AHCYL2: variants seen among roughly 807,000 people sequenced by gnomAD.
The protein encoded by AHCYL2 is S-adenosylhomocysteine hydrolase-like protein 2.
AHCYL2 carries 28 observed loss-of-function variants against 81.4 expected under a neutral mutation model. The observed-to-expected ratio is 0.34, with a 90% CI of 0.25 to 0.47. AHCYL2 has a LOEUF of 0.47. Among genes scored for constraint, AHCYL2 ranks in the 20% least tolerant of loss-of-function variants. The probability of loss-of-function intolerance (pLI) is 1.00; values close to 1 mark genes in which losing one functional copy is unlikely to be tolerated. For missense variants in AHCYL2, 551 were observed against 785.1 expected (o/e 0.70, Z 3.56); for synonymous variants, 272 against 290.2 (o/e 0.94, Z 0.64).
At chr7:129,225,926 GA>G (rs558691724) in intron 1 of AHCYL2, among the ~76,000 whole-genome samples, 223 of 152,304 alleles carry the variant, frequency 1.5e-3, no homozygotes, top group Non-Finnish European at 2.8e-3. Context: ...TACAGTTGAT[GA>G]CTTTCTGCCT....
At chr7:129,355,972 T>C (rs1253556442) in intron 1 of AHCYL2, among the ~76,000 whole-genome samples, 2 of 152,166 alleles carry the variant, frequency 1.3e-5, no homozygotes, top group African/African-American at 4.8e-5. Flanking sequence ...GTGGTTATTA[T>C]CACAAATGTA....
intron 12 of AHCYL2, among the ~76,000 whole-genome samples, chr7:129,420,886 A>T (rs1267481642): frequency 6.6e-6 from 1 of 152,304 alleles, no homozygotes; most frequent in East Asian, 1.9e-4. Flanking sequence ...TAAAAATGCA[A>T]ACACTACAAA....
chr7:129,297,832 T>A (rs1797105740), intron 1 of AHCYL2, among the ~76,000 whole-genome samples: 1 of 152,096 alleles, frequency 6.6e-6, no homozygotes, highest in Non-Finnish European at 1.5e-5. Context: ...GAGACCAGCC[T>A]GGACAACATA....
At chr7:129,341,782 C>T (rs1386502689) in intron 1 of AHCYL2, among the ~76,000 whole-genome samples, 1 of 152,086 alleles carries the variant, frequency 6.6e-6, no homozygotes, top group Non-Finnish European at 1.5e-5. Flanking sequence ...GAATAACACA[C>T]TCATGGTTAT....
At chr7:129,353,427 G>T (rs1793636230) in intron 1 of AHCYL2, among the ~76,000 whole-genome samples, 1 of 151,954 alleles carries the variant, frequency 6.6e-6, no homozygotes, top group South Asian at 2.1e-4. Context: ...TCTGGTCCTA[G>T]TTCAAATGTT....
intron 1 of AHCYL2, among the ~76,000 whole-genome samples, chr7:129,292,956 G>T (rs1452497130): frequency 6.6e-6 from 1 of 152,046 alleles, no homozygotes; most frequent in Non-Finnish European, 1.5e-5. Context: ...AAGAATAAAA[G>T]CATATTGCTT....
At chr7:129,267,781 A>G (rs1795868207) in intron 1 of AHCYL2, among the ~76,000 whole-genome samples, 1 of 152,158 alleles carries the variant, frequency 6.6e-6, no homozygotes, top group African/African-American at 2.4e-5. Context: ...GAGAGATGGT[A>G]AGATGATGGA....
chr7:129,280,202 C>T (rs1267260867), intron 1 of AHCYL2, among the ~76,000 whole-genome samples: 2 of 18,870 alleles, frequency 1.1e-4, no homozygotes, highest in Admixed American at 1.9e-3. Flanking sequence ...GAGAGTCTCG[C>T]TCTGTTGCCC....
At chr7:129,302,486 C>T (rs1041123104) in intron 1 of AHCYL2, among the ~76,000 whole-genome samples, 1 of 152,166 alleles carries the variant, frequency 6.6e-6, no homozygotes, top group Non-Finnish European at 1.5e-5. Context: ...CAGTATGATA[C>T]TGGCTGTGGG....
intron 1 of AHCYL2, among the ~76,000 whole-genome samples, chr7:129,243,001 T>C (rs1277461589): frequency 4.0e-5 from 6 of 151,314 alleles, no homozygotes; most frequent in African/African-American, 1.5e-4. Context: ...CGTTTTCTTA[T>C]CGACTATATT....
Position 129,405,817 on chromosome 7 carries a change from A to C in AHCYL2, c.1143-19A>C. On this transcript the variant is annotated intron_variant, in intron 8 of 16. Coordinates refer to ENST00000325006, the MANE Select transcript of AHCYL2 (RefSeq NM_015328.4). Reference sequence around the variant, plus strand: ...AACAAGAGAAGATTTTTCTGATTTAATGTTTTTTTTTCCCCTAGACTTAAA... The same window carrying C: ...AACAAGAGAAGATTTTTCTGATTTACTGTTTTTTTTTCCCCTAGACTTAAA... 6.3e-7 allele frequency: 1 copy of C among 1,596,220 alleles called. No homozygotes were observed. Among genetic ancestry groups the C allele is most frequent in the Non-Finnish European group, 8.5e-7 (1 of 1,170,176 alleles).
At chr7:129,237,151 A>G (rs1271686140) in intron 1 of AHCYL2, among the ~76,000 whole-genome samples, 1 of 152,000 alleles carries the variant, frequency 6.6e-6, no homozygotes, top group East Asian at 1.9e-4. Flanking sequence ...TGGCTTCAAC[A>G]TTTTGTGTCT....
intron 1 of AHCYL2, among the ~76,000 whole-genome samples, chr7:129,279,978 A>G (rs748531236): frequency 6.6e-6 from 1 of 152,000 alleles, no homozygotes; most frequent in African/African-American, 2.4e-5. Flanking sequence ...TCTTGTGCCA[A>G]CCTCCTATCT....
In AHCYL2 at chr7:129,429,072, C is replaced by G. The variant is rs751135879; in HGVS notation, c.*2027C>G. On this transcript the variant is annotated 3_prime_UTR_variant, in exon 17 of 17. Transcript: ENST00000325006. ...CCAAAAATCATAACCTGCTGTTTCT[C>G]AGCAAAGCCTTGCTCTCTGGAGCTT... is the stretch of plus-strand genomic sequence containing the variant. 4 of 152,224 alleles carry G rather than the reference C, an allele frequency of 2.6e-5. No individual in the cohort carries two copies. Among genetic ancestry groups the G allele is most frequent in the Non-Finnish European group, 4.4e-5 (3 of 68,046 alleles). The allele number at this position is 152,224 out of a possible 1,614,324, so 9.4% of individuals were successfully genotyped here. A position where few individuals can be genotyped will look rare whatever the true frequency, so the allele number is the denominator to read the frequency against.
chr7:129,369,605 T>A (rs1443998677), intron 1 of AHCYL2, among the ~76,000 whole-genome samples: 1 of 146,718 alleles, frequency 6.8e-6, no homozygotes, highest in African/African-American at 2.5e-5. Flanking sequence ...CAGGCTGGAG[T>A]GCAGTGGCGT....
rs1425575901 is a variant in AHCYL2 at position 129,330,917 on chromosome 7, A to T, written c.364-48721A>T. Among the ~76,000 whole-genome samples the T allele has an allele frequency of 2.0e-5, 3 of 152,246 alleles. No homozygotes were observed. In the East Asian group the frequency reaches 5.8e-4, roughly 29 times the overall value. The stretch of plus-strand genomic sequence containing the variant: ...AACTTCAAATCGTTAGTCATCATAA[A>T]CAACTTCTATACCTTAGGCTTGCAT... On this transcript the variant is annotated intron_variant, in intron 1 of 16. Transcript: ENST00000325006.
Position 129,291,425 on chromosome 7 carries a change from CTAGTGAATAT to C in AHCYL2, c.363+65992_363+66001del, listed in dbSNP as rs1434322312. Among the ~76,000 whole-genome samples, 3 of 151,642 alleles carry C rather than the reference CTAGTGAATAT, an allele frequency of 2.0e-5. No individual in the cohort carries two copies. The East Asian group carries it at 5.8e-4, about 29-fold the overall frequency. ...TAAGTAACTTACTGAGGGCATACAACTAGTGAATATTAGTGCTAGGATTCAAATCATGCAT... is the reference window on the plus strand; with the variant it reads ...TAAGTAACTTACTGAGGGCATACAACTAGTGCTAGGATTCAAATCATGCAT... On this transcript the variant is annotated intron_variant, in intron 1 of 16. Transcript: ENST00000325006.
intron 2 of AHCYL2, among the ~76,000 whole-genome samples, chr7:129,381,472 A>C (rs998471275): frequency 3.3e-5 from 5 of 152,228 alleles, no homozygotes; most frequent in African/African-American, 9.6e-5. Context: ...AGATTAAACT[A>C]TATGAAATTA....
chr7:129,266,085 A>G (rs1294993842), intron 1 of AHCYL2, among the ~76,000 whole-genome samples: 1 of 152,202 alleles, frequency 6.6e-6, no homozygotes, highest in African/African-American at 2.4e-5. Flanking sequence ...TGTAGGTGTA[A>G]TCAGTGTCTT....
Sources: gnomAD v4.1 joint callset for allele counts (sites outside exome capture counted in the v4.1 genomes callset) on GRCh38, gnomAD v4.1.1 for gene constraint, MANE v1.5 for transcripts, NCBI Gene and HGNC (gene_info 2026-07-23, HGNC 2026-07-21) for gene names.